Variants in GPC5 observed in about 807,000 individuals in gnomAD.
GPC5 encodes the protein glypican 5.
In GPC5, 47 loss-of-function variants were observed where a neutral mutation model predicts 53.9. The observed-to-expected ratio is 0.87, with a 90% CI of 0.69 to 1.11. The LOEUF is 1.11. Among genes scored for constraint, GPC5 ranks in the 50% most tolerant of loss-of-function variants. The pLI is 0.00. For missense variants in GPC5, 748 were observed against 713.1 expected, an observed-to-expected ratio of 1.05 and a Z score of -0.56; for synonymous variants, 286 against 263.3, an observed-to-expected ratio of 1.09 and a Z score of -0.84.
chr13:92,403,416 C>T (rs1875646305), intron 7 of GPC5, among the ~76,000 whole-genome samples: 1 of 152,210 alleles, frequency 6.6e-6, no homozygotes, highest in Non-Finnish European at 1.5e-5. Context: ...AGGTAAGCAG[C>T]CAGCCAGCAT....
intron 7 of GPC5, among the ~76,000 whole-genome samples, chr13:92,848,143 A>C (rs923067175): frequency 2.0e-5 from 3 of 152,306 alleles, no homozygotes; most frequent in African/African-American, 7.2e-5. Flanking sequence ...GTGGCCTCTA[A>C]TATGTAAATA....
chr13:91,448,690 C>T (rs1594103570), intron 1 of GPC5, 71 bp from the exon 2 acceptor site: 14 of 1,496,704 alleles, frequency 9.4e-6, no homozygotes, highest in East Asian at 4.5e-5. Flanking sequence ...CTGGTCATAA[C>T]GCCTGATATA....
At chr13:91,737,204 G>A (rs1166742575) in intron 4 of GPC5, among the ~76,000 whole-genome samples, 1 of 151,340 alleles carries the variant, frequency 6.6e-6, no homozygotes, top group Non-Finnish European at 1.5e-5. Flanking sequence ...GTCTGTTTTG[G>A]GATCTGTTTC....
chr13:91,876,621 G>A (rs537272138), intron 5 of GPC5, among the ~76,000 whole-genome samples: 1 of 152,160 alleles, frequency 6.6e-6, no homozygotes, highest in Non-Finnish European at 1.5e-5. Flanking sequence ...GATGTGACTC[G>A]GATGCTGTCA....
At chr13:91,820,525 C>T (rs2038475366) in intron 5 of GPC5, among the ~76,000 whole-genome samples, 1 of 152,102 alleles carries the variant, frequency 6.6e-6, no homozygotes, top group South Asian at 2.1e-4. Context: ...ATTTGTCAAG[C>T]GTCCATAAAT....
At chr13:91,529,538 G>A (rs1002032626) in intron 2 of GPC5, among the ~76,000 whole-genome samples, 1 of 152,108 alleles carries the variant, frequency 6.6e-6, no homozygotes, top group Admixed American at 6.5e-5. Context: ...ACCTCGTATG[G>A]GTGTTTAAGG....
chr13:92,585,898 C>G (rs75507546), intron 7 of GPC5, among the ~76,000 whole-genome samples: 2,109 of 152,314 alleles, frequency 0.014, 52 homozygotes, highest in African/African-American at 0.048. Flanking sequence ...TCCTTGCCAT[C>G]TGCCATGATT....
intron 2 of GPC5, among the ~76,000 whole-genome samples, chr13:91,573,699 T>A (rs1288385637): frequency 6.6e-6 from 1 of 152,176 alleles, no homozygotes; most frequent in Non-Finnish European, 1.5e-5. Context: ...AATTATGTAT[T>A]ATACAAACAT....
At chr13:91,476,958 C>T (rs1049504301) in intron 2 of GPC5, among the ~76,000 whole-genome samples, 4 of 152,052 alleles carry the variant, frequency 2.6e-5, no homozygotes, top group Non-Finnish European at 2.9e-5. Flanking sequence ...ATCCAGAAAG[C>T]GATGTTGGAC....
intron 7 of GPC5, among the ~76,000 whole-genome samples, chr13:92,819,539 G>T (rs1877604868): frequency 1.3e-5 from 2 of 152,172 alleles, no homozygotes; most frequent in South Asian, 4.1e-4. Context: ...ACATCTTTCG[G>T]CTCTAATAGT....
intron 7 of GPC5, among the ~76,000 whole-genome samples, chr13:92,697,830 G>C (rs1887603022): frequency 6.6e-6 from 1 of 152,110 alleles, no homozygotes; most frequent in Non-Finnish European, 1.5e-5. Context: ...CTGGATGTGG[G>C]TTTGTCATAA....
chr13:92,248,586 A>G (rs1353108583), intron 7 of GPC5, among the ~76,000 whole-genome samples: 1 of 152,202 alleles, frequency 6.6e-6, no homozygotes, highest in Non-Finnish European at 1.5e-5. Context: ...AGGCTTTAGT[A>G]GAAACTCTTA....
chr13:91,621,520 C>T (rs1256665409), intron 2 of GPC5, among the ~76,000 whole-genome samples: 1 of 151,920 alleles, frequency 6.6e-6, no homozygotes, highest in Non-Finnish European at 1.5e-5. Context: ...CTCTCTTTCC[C>T]TGGATATGTC....
intron 7 of GPC5, chr13:92,484,656 A>G (rs1879486509): frequency 1.3e-5 from 2 of 152,024 alleles, no homozygotes; most frequent in South Asian, 4.1e-4. Context: ...ATAAAAGGCT[A>G]CTCTCTTTAG....
chr13:92,213,659 A>G (rs2042390664), intron 7 of GPC5, among the ~76,000 whole-genome samples: 1 of 152,144 alleles, frequency 6.6e-6, no homozygotes, highest in African/African-American at 2.4e-5. Flanking sequence ...TTCCAAAATC[A>G]CAACAAAAAT....
intron 7 of GPC5, among the ~76,000 whole-genome samples, chr13:92,303,122 T>A (rs2043086684): frequency 6.6e-6 from 1 of 152,102 alleles, no homozygotes. Flanking sequence ...TCTTACGGCT[T>A]TGAAATGTAC....
At chr13:92,160,238 T>A (rs1411934119) in intron 7 of GPC5, among the ~76,000 whole-genome samples, 1 of 152,194 alleles carries the variant, frequency 6.6e-6, no homozygotes, top group Non-Finnish European at 1.5e-5. Flanking sequence ...TTACTAACTC[T>A]TAAAGGTCTA....
intron 5 of GPC5, among the ~76,000 whole-genome samples, chr13:91,872,119 G>T (rs1370215252): frequency 6.6e-6 from 1 of 152,020 alleles, no homozygotes; most frequent in Non-Finnish European, 1.5e-5. Flanking sequence ...AACAGAAGAG[G>T]TAAACTAGAA....
chr13:91,977,955 A>AGAAAGAAAG lies in GPC5; in HGVS notation c.1401+69898_1401+69899insGAAAGAAAG, dbSNP rs1555301807. 1.9e-3 allele frequency among the ~76,000 whole-genome samples: 272 copies of AGAAAGAAAG among 142,976 alleles called. 3 individuals are homozygous for AGAAAGAAAG. The highest frequency in any genetic ancestry group is 7.5e-3 in the African/African-American group (260 of 34,620). 93.8% of individuals were successfully genotyped at this position (142,976 alleles called of 152,430 possible). A position where few individuals can be genotyped will look rare whatever the true frequency, so the allele number is the denominator to read the frequency against. ...AACGAGACCGCCATCTCTAAAAGAA[A>AGAAAGAAAG]AAAGAAAGAAAGAAAGAAAGAAAGA... On this transcript the variant is annotated intron_variant, in intron 6 of 7. Coordinates refer to ENST00000377067, the MANE Select transcript of GPC5 (RefSeq NM_004466.6).
Sources: gnomAD v4.1 joint callset for allele counts (sites outside exome capture counted in the v4.1 genomes callset) on GRCh38, gnomAD v4.1.1 for gene constraint, MANE v1.5 for transcripts, NCBI Gene and HGNC (gene_info 2026-07-23, HGNC 2026-07-21) for gene names.